The following LRRC8C variants were observed in gnomAD, a reference collection of about 807,000 sequenced individuals.
The protein encoded by LRRC8C is volume-regulated anion channel subunit LRRC8C.
LRRC8C carries 20 observed loss-of-function variants against 55.3 expected under a neutral mutation model. That is an observed-to-expected ratio of 0.36 (90% confidence interval 0.25 to 0.53). The LOEUF (loss-of-function observed/expected upper bound fraction) is 0.53, where lower values mean the gene tolerates loss of function less well. LRRC8C is among the 20% of genes least tolerant of loss of function. The probability of loss-of-function intolerance (pLI) is 0.92; values close to 1 mark genes in which losing one functional copy is unlikely to be tolerated. For missense variants in LRRC8C, 659 were observed against 951.4 expected (o/e 0.69, Z 4.04); for synonymous variants, 376 against 360.7 (o/e 1.04, Z -0.48).
At chr1:89,703,315 C>G (rs563029216) in intron 2 of LRRC8C, among the ~76,000 whole-genome samples, 1 of 152,148 alleles carries the variant, frequency 6.6e-6, no homozygotes, top group East Asian at 1.9e-4. Flanking sequence ...AAATTACTAT[C>G]AAAACAGAAT....
chr1:89,705,251 C>T (rs1286059658), intron 2 of LRRC8C, among the ~76,000 whole-genome samples: 1 of 120,988 alleles, frequency 8.3e-6, no homozygotes, highest in Non-Finnish European at 1.6e-5. Context: ...GGAAGGGGAA[C>T]ATCACACTCT....
At position 89,691,962 on chromosome 1, in the gene LRRC8C, A is replaced by G. The variant is rs574744981; in HGVS notation, c.138+5351A>G. ...ATTTAAAAAGAAAAATTTGCACTCTATAGTGAGCATTAACAAAACAAGAAA... is the reference window on the plus strand; with the variant it reads ...ATTTAAAAAGAAAAATTTGCACTCTGTAGTGAGCATTAACAAAACAAGAAA... On this transcript the variant is annotated intron_variant, in intron 2 of 2. Coordinates refer to ENST00000370454, the MANE Select transcript of LRRC8C (RefSeq NM_032270.5). Among the ~76,000 whole-genome samples, 31 of 152,362 alleles carry G rather than the reference A, an allele frequency of 2.0e-4. No individual in the cohort carries two copies. The South Asian group carries it at 5.6e-3, about 27-fold the overall frequency.
rs186085559 is a variant in LRRC8C, at chr1:89,713,044, C to T, written c.474C>T (p.Phe158=). 9.3e-6 allele frequency: 15 copies of T among 1,613,580 alleles called. No homozygotes were observed. In the East Asian group the frequency reaches 3.1e-4, roughly 34 times the overall value. The part of the protein sequence containing the change: ...FPGSSSKIEH[F]ISILGKCFDS... ...GTTCCAGCTCCAAAATAGAACATTT[C>T]ATCTCCATTCTGGGGAAGTGTTTTG... Residue 158 remains phenylalanine, a synonymous_variant, in exon 3 of 3, where the codon TTC becomes TTT. Coordinates refer to ENST00000370454, the MANE Select transcript of LRRC8C (RefSeq NM_032270.5). The surrounding 1 kb of genome is among the most constrained non-coding windows in gnomAD (Gnocchi z 5.2).
intron 2 of LRRC8C, among the ~76,000 whole-genome samples, chr1:89,692,179 G>A (rs1333807584): frequency 1.3e-5 from 2 of 152,262 alleles, no homozygotes; most frequent in Middle Eastern, 3.4e-3. Flanking sequence ...TTCCCAAGGC[G>A]ATGTTAAAAT....
chr1:89,650,678 T>G (rs1465991741), intron 1 of LRRC8C, among the ~76,000 whole-genome samples: 1 of 152,100 alleles, frequency 6.6e-6, no homozygotes, highest in Non-Finnish European at 1.5e-5. Flanking sequence ...GGTTGTTTCT[T>G]AGTAATATAG....
chr1:89,682,577 A>G lies in LRRC8C; in HGVS notation c.-4-3893A>G, dbSNP rs114864709. On this transcript the variant is annotated intron_variant, in intron 1 of 2. Transcript: ENST00000370454. ...TGTAATGCTAAGATGTTTTTTGCCT[A>G]TTTCACTGATGGTGCAAAAACCATG... is the stretch of plus-strand genomic sequence containing the variant. Among the ~76,000 whole-genome samples, 303 of 152,220 alleles carry G rather than the reference A, an allele frequency of 2.0e-3. 1 individual carries two copies. The highest frequency in any genetic ancestry group is 7.1e-3 in the African/African-American group (293 of 41,544).
At chr1:89,622,294 A>G in the LRRC8C span, among the ~76,000 whole-genome samples, 1 of 151,604 alleles carries the variant, frequency 6.6e-6, no homozygotes, top group Non-Finnish European at 1.5e-5. Context: ...ATTACCTGTT[A>G]TCCTGTTGTT....
At chr1:89,675,864 T>C (rs1364352760) in intron 1 of LRRC8C, among the ~76,000 whole-genome samples, 1 of 152,140 alleles carries the variant, frequency 6.6e-6, no homozygotes, top group Non-Finnish European at 1.5e-5. Context: ...GCCAGTAAGA[T>C]GCAGAGAGCT....
the LRRC8C span, among the ~76,000 whole-genome samples, chr1:89,625,691 C>T: frequency 6.6e-6 from 1 of 152,318 alleles, no homozygotes; most frequent in South Asian, 2.1e-4. Context: ...ATGTGAGTAA[C>T]AAGAGCATCT....
intron 1 of LRRC8C, among the ~76,000 whole-genome samples, chr1:89,683,676 A>T (rs571727779): frequency 2.6e-5 from 4 of 152,260 alleles, no homozygotes; most frequent in African/African-American, 9.6e-5. Context: ...TAATATAATG[A>T]AGTTTAAAAA....
At chr1:89,709,765 T>C (rs1658594436) in intron 2 of LRRC8C, among the ~76,000 whole-genome samples, 1 of 150,990 alleles carries the variant, frequency 6.6e-6, no homozygotes, top group African/African-American at 2.4e-5. Context: ...GTTTTTTTTT[T>C]GTTTGAGACG....
At chr1:89,643,449 G>A (rs1656524513) in intron 1 of LRRC8C, among the ~76,000 whole-genome samples, 3 of 152,234 alleles carry the variant, frequency 2.0e-5, no homozygotes, top group African/African-American at 7.2e-5. Context: ...GTGTCTCAAT[G>A]TGTATAGTAA....
chr1:89,674,350 G>A (rs978469033), intron 1 of LRRC8C, among the ~76,000 whole-genome samples: 3 of 152,036 alleles, frequency 2.0e-5, no homozygotes, highest in African/African-American at 7.3e-5. Flanking sequence ...GACTCTATGA[G>A]CATCAAATGT....
chr1:89,630,712 G>A (rs1656084861), upstream of LRRC8C, among the ~76,000 whole-genome samples: 1 of 152,198 alleles, frequency 6.6e-6, no homozygotes, highest in African/African-American at 2.4e-5. Context: ...TGAAGTCGGA[G>A]AATAAGCCTT....
intron 1 of LRRC8C, among the ~76,000 whole-genome samples, chr1:89,651,622 T>C: frequency 6.9e-6 from 1 of 144,876 alleles, no homozygotes. Flanking sequence ...TTATAAACCC[T>C]AAGTATTTGC....
intron 1 of LRRC8C, among the ~76,000 whole-genome samples, chr1:89,665,700 AT>A (rs999007760): frequency 2.0e-5 from 3 of 151,934 alleles, no homozygotes; most frequent in East Asian, 1.9e-4. Context: ...AGAAAGAAAA[AT>A]TTTTTTTATA....
At chr1:89,648,611 A>G (rs539763904) in intron 1 of LRRC8C, among the ~76,000 whole-genome samples, 99 of 152,326 alleles carry the variant, frequency 6.5e-4, no homozygotes, top group South Asian at 4.8e-3. Flanking sequence ...TATACAAACC[A>G]CATATTTGTT....
intron 2 of LRRC8C, among the ~76,000 whole-genome samples, chr1:89,707,538 C>T (rs980284273): frequency 1.3e-5 from 2 of 152,000 alleles, no homozygotes; most frequent in Non-Finnish European, 1.5e-5. Context: ...CTTTAGATTA[C>T]AGATTTTTAC....
intron 2 of LRRC8C, among the ~76,000 whole-genome samples, chr1:89,692,226 G>A (rs893588464): frequency 6.6e-6 from 1 of 152,130 alleles, no homozygotes; most frequent in African/African-American, 2.4e-5. Flanking sequence ...TTTTCCACTT[G>A]TAAATTGAAA....
Sources: gnomAD v4.1 joint callset for allele counts (sites outside exome capture counted in the v4.1 genomes callset) on GRCh38, gnomAD v4.1.1 for gene constraint, Gnocchi (gnomAD v3.1) non-coding constraint, MANE v1.5 for transcripts, NCBI Gene and HGNC (gene_info 2026-07-23, HGNC 2026-07-21) for gene names.